The following PSG4 variants were observed in gnomAD, a reference collection of about 807,000 sequenced individuals.
PSG4 encodes the protein pregnancy-specific beta-1-glycoprotein 4.
Under a neutral mutation model 44.3 loss-of-function variants are expected in PSG4, and 61 were observed. The observed-to-expected ratio is 1.38, with a 90% CI of 1.12 to 1.70. PSG4 has a LOEUF of 1.70. Ranked by LOEUF, PSG4 falls within the 40% of genes most tolerant of loss-of-function variation. PSG4 has a pLI of 0.00. For missense variants in PSG4, 677 were observed against 511.7 expected, an observed-to-expected ratio of 1.32 and a Z score of -3.12; for synonymous variants, 248 against 191.3, an observed-to-expected ratio of 1.30 and a Z score of -2.45.
At position 43,203,677 on chromosome 19, in the gene PSG4, C is replaced by T. The variant is rs562420010; in HGVS notation, c.430+209G>A. ...CCATCAGACTGTCCTTCCTCTGCAG[C>T]GAGTGTCTGCAGGGTCTGAATGCGG... is the stretch of plus-strand genomic sequence containing the variant. On this transcript the variant is annotated intron_variant, in intron 2 of 5. Transcript: ENST00000405312. 42 of 908,210 alleles carry T rather than the reference C, an allele frequency of 4.6e-5. 1 individual carries two copies. Among genetic ancestry groups the T allele is most frequent in the Middle Eastern group, 3.0e-4 (1 of 3,318 alleles). 56.3% of individuals were successfully genotyped at this position (908,210 alleles called of 1,614,324 possible). A position where few individuals can be genotyped will look rare whatever the true frequency, so the allele number is the denominator to read the frequency against.
At chr19:43,205,421 C>G in intron 1 of PSG4, 52 bp downstream of exon 1, 2 of 1,486,154 alleles carry the variant, frequency 1.3e-6, no homozygotes, top group Non-Finnish European at 1.8e-6. Flanking sequence ...GAGACCCCAT[C>G]CAGTCACTCT....
In PSG4 at chr19:43,205,413, G is replaced by T. The variant is rs146894263; in HGVS notation, c.64+60C>A. Reference sequence around the variant, plus strand: ...TTTCAGAACCCCATCCTCTCCAGGAGACCCCATCCAGTCACTCTGCTTCCT... The same window carrying T: ...TTTCAGAACCCCATCCTCTCCAGGATACCCCATCCAGTCACTCTGCTTCCT... On this transcript the variant is annotated intron_variant, in intron 1 of 5. Coordinates refer to ENST00000405312, the MANE Select transcript of PSG4 (RefSeq NM_002780.5). The T allele has an allele frequency of 3.5e-4, 510 of 1,468,824 alleles. 120 individuals carry two copies. The East Asian group carries it at 0.014, about 40-fold the overall frequency. The allele number at this position is 1,468,824 out of a possible 1,614,324, so 91.0% of individuals were successfully genotyped here. A position where few individuals can be genotyped will look rare whatever the true frequency, so the allele number is the denominator to read the frequency against.
At chr19:43,204,938 ATGG>A (rs1967705818) in intron 1 of PSG4, 1 of 303,362 alleles carries the variant, frequency 3.3e-6, no homozygotes, top group Admixed American at 4.2e-5. Context: ...TTTTCAAAAT[ATGG>A]TGGCCCCTGA....
chr19:43,194,112 A>G, intron 5 of PSG4: 1 of 1,322,446 alleles, frequency 7.6e-7, no homozygotes, highest in Non-Finnish European at 1.0e-6. Flanking sequence ...CAATGAAATC[A>G]ATGTTTCTCC....
At chr19:43,196,245 G>A (rs1222954964) in intron 3 of PSG4, among the ~76,000 whole-genome samples, 2 of 151,476 alleles carry the variant, frequency 1.3e-5, no homozygotes, top group African/African-American at 4.9e-5. Flanking sequence ...CCCTGGGTTC[G>A]ACTACTCTAG....
At chr19:43,202,868 GT>G (rs1249337633) in intron 2 of PSG4, among the ~76,000 whole-genome samples, 1 of 144,684 alleles carries the variant, frequency 6.9e-6, no homozygotes, top group Non-Finnish European at 1.5e-5. Context: ...TTGGAACCCA[GT>G]AAGCCCTCAC....
chr19:43,193,144 A>G lies in PSG4; in HGVS notation c.*228T>C. The stretch of plus-strand genomic sequence containing the variant: ...TCTGACATCTTTGGAAAAACTGTCC[A>G]CAGTGTGAAGTCATCAACTTGTTAT... On this transcript the variant is annotated 3_prime_UTR_variant, in exon 6 of 6. Transcript: ENST00000405312. 1.5e-6 allele frequency: 1 copy of G among 683,786 alleles called. No individual in the cohort carries two copies. Among genetic ancestry groups the G allele is most frequent in the Non-Finnish European group, 2.7e-6 (1 of 374,548 alleles). The allele number at this position is 683,786 out of a possible 1,614,324, so 42.4% of individuals were successfully genotyped here. A position where few individuals can be genotyped will look rare whatever the true frequency, so the allele number is the denominator to read the frequency against.
Position 43,201,950 on chromosome 19 carries a change from G to C in PSG4, c.430+1936C>G, listed in dbSNP as rs1361222068. On this transcript the variant is annotated intron_variant, in intron 2 of 5. Coordinates refer to ENST00000405312, the MANE Select transcript of PSG4 (RefSeq NM_002780.5). The stretch of plus-strand genomic sequence containing the variant: ...AGCCTCACAAAGGGAAAGAGCCCTT[G>C]AAGGGAATACAGTAGAAGCTCATTC... Among the ~76,000 whole-genome samples the C allele has an allele frequency of 1.2e-4, 17 of 144,258 alleles. 4 individuals are homozygous for C. Among genetic ancestry groups the C allele is most frequent in the African/African-American group, 4.6e-4 (17 of 37,020 alleles). 94.6% of individuals were successfully genotyped at this position (144,258 alleles called of 152,430 possible). A position where few individuals can be genotyped will look rare whatever the true frequency, so the allele number is the denominator to read the frequency against.
chr19:43,195,923 G>C (rs1290476514), intron 3 of PSG4, among the ~76,000 whole-genome samples: 1 of 150,514 alleles, frequency 6.6e-6, no homozygotes, highest in East Asian at 1.9e-4. Context: ...TAAAGATAGA[G>C]CAGAGTGCAA....
chr19:43,204,385 AAAG>A, intron 1 of PSG4, 134 bp from the exon 2 acceptor site: 1 of 1,206,800 alleles, frequency 8.3e-7, no homozygotes, highest in Non-Finnish European at 1.1e-6. Context: ...TACACACACT[AAAG>A]GGGCGTGAGT....
intron 2 of PSG4, chr19:43,203,675 A>G (rs1967621054): frequency 1.1e-6 from 1 of 900,798 alleles, no homozygotes; most frequent in East Asian, 4.3e-5. Flanking sequence ...CTTCCTCTGC[A>G]GCGAGTGTCT....
intron 4 of PSG4, 59 bp from the exon 5 acceptor site, chr19:43,194,653 G>C: frequency 6.4e-7 from 1 of 1,566,324 alleles, no homozygotes; most frequent in Non-Finnish European, 8.7e-7. Context: ...GATGTTCCTG[G>C]TCTCTTAAAG....
Position 43,198,083 on chromosome 19 carries a change from G to A in PSG4, c.623C>T (p.Thr208Ile), listed in dbSNP as rs1312210510. The A allele has an allele frequency of 7.6e-6, 12 of 1,587,702 alleles. 2 individuals carry two copies. The highest frequency in any genetic ancestry group is 1.0e-5 in the Non-Finnish European group (12 of 1,171,930). ...TNRTLFIFGV[T>I]KYIAGPYECE... is the part of the protein sequence containing the mutation. ...TTCATAGGGTCCTGCAATATACTTT[G>A]TGACACCAAATATAAAGAGGGTCCT... Residue 208 changes from threonine (T) to isoleucine (I), a missense_variant, in exon 3 of 6, where the codon ACA becomes ATA. Physicochemically the swap from Thr to Ile is moderately conservative, Grantham distance 89. Transcript: ENST00000405312.
At position 43,205,549 on chromosome 19, in the gene PSG4, T is replaced by C. The variant is rs61995941; in HGVS notation, c.-13A>G. On this transcript the variant is annotated 5_prime_UTR_variant, in exon 1 of 6. Coordinates refer to ENST00000405312, the MANE Select transcript of PSG4 (RefSeq NM_002780.5). ...AGAGGGGCCCCATGGTCTCTGCTGCTTGTGTGTTCTCCTCTGTGGAGATAA... is the reference window on the plus strand; with the variant it reads ...AGAGGGGCCCCATGGTCTCTGCTGCCTGTGTGTTCTCCTCTGTGGAGATAA... 0.03 allele frequency: 44,787 copies of C among 1,516,198 alleles called. 3,677 individuals carry two copies. Among genetic ancestry groups the C allele is most frequent in the South Asian group, 0.033 (2,857 of 87,212 alleles). The allele number at this position is 1,516,198 out of a possible 1,614,324, so 93.9% of individuals were successfully genotyped here.
In PSG4 at chr19:43,195,104, C is replaced by G; in HGVS notation, c.879G>C (p.Arg293Ser). Reference protein sequence around the residue: ...SPRVKRPIENRILILPNVTRN... With the variant: ...SPRVKRPIENSILILPNVTRN... The stretch of plus-strand genomic sequence containing the variant: ...TCGTGACATTGGGTAGAATGAGGAT[C>G]CTGTTTTCAATGGGTCGCTTTACCC... Residue 293 changes from arginine to serine, a missense_variant, in exon 4 of 6, where the codon AGG becomes AGC. By Grantham distance (110) the Arg-to-Ser change is moderately radical (BLOSUM62 -1). Coordinates refer to ENST00000405312, the MANE Select transcript of PSG4 (RefSeq NM_002780.5). 1 of 1,610,810 alleles carries G rather than the reference C, an allele frequency of 6.2e-7. No individual in the cohort carries two copies. Among genetic ancestry groups the G allele is most frequent in the Non-Finnish European group, 8.5e-7 (1 of 1,179,058 alleles).
At position 43,195,368 on chromosome 19, in the gene PSG4, C is replaced by T. The variant is rs1216106412; in HGVS notation, c.710-95G>A. The T allele has an allele frequency of 1.4e-5, 21 of 1,528,474 alleles. 2 individuals are homozygous for T. The highest frequency in any genetic ancestry group is 1.8e-5 in the Admixed American group (1 of 54,286). 94.7% of individuals were successfully genotyped at this position (1,528,474 alleles called of 1,614,324 possible). On this transcript the variant is annotated intron_variant, in intron 3 of 5. Coordinates refer to ENST00000405312, the MANE Select transcript of PSG4 (RefSeq NM_002780.5). ...AGAGTTGGCATCTCCCACCTCTCAG[C>T]CCACCCGAGTCCTTGAAAGCCAATA... is the stretch of plus-strand genomic sequence containing the variant.
In PSG4 at chr19:43,198,579, A is replaced by G. The variant is rs1037924907; in HGVS notation, c.431-304T>C. The G allele has an allele frequency of 1.1e-4, 46 of 407,292 alleles. 4 individuals carry two copies. The highest frequency in any genetic ancestry group is 9.6e-4 in the African/African-American group (43 of 44,958). 25.2% of individuals were successfully genotyped at this position (407,292 alleles called of 1,614,324 possible). ...TGCCTCTCTGAGTTCCTCCGTCTCCAACTGCCTGCCTGACCCACCTTGTGG... is the reference window on the plus strand; with the variant it reads ...TGCCTCTCTGAGTTCCTCCGTCTCCGACTGCCTGCCTGACCCACCTTGTGG... On this transcript the variant is annotated intron_variant, in intron 2 of 5. Transcript: ENST00000405312.
chr19:43,198,273 C>T lies in PSG4; in HGVS notation c.433G>A (p.Glu145Lys), dbSNP rs747350141. ...TGHFTFTLHLETPKPSISSSN... is the reference protein window; with the variant it reads ...TGHFTFTLHLKTPKPSISSSN... ...CTGGAGATGGAGGGCTTGGGAGTCT[C>T]CACTGTGCAGAAAACAGAGAGAGGT... The change falls in exon 3 of 6, where the codon GAG becomes AAG. Residue 145 changes from glutamate (E) to lysine (K), a missense_variant and splice_region_variant. Physicochemically the swap from Glu to Lys is moderately conservative, Grantham distance 56 (BLOSUM62 1). Transcript: ENST00000405312. 1.3e-6 allele frequency: 2 copies of T among 1,584,948 alleles called. No homozygotes were observed. The highest frequency in any genetic ancestry group is 2.9e-5 in the African/African-American group (2 of 69,162).
At chr19:43,198,482 A>G (rs1967357501) in intron 2 of PSG4, 1 of 975,428 alleles carries the variant, frequency 1.0e-6, no homozygotes, top group Non-Finnish European at 1.4e-6. Flanking sequence ...AGAAGCACAG[A>G]CTTTCTTAGG....
Sources: allele counts gnomAD v4.1 joint callset (sites outside exome capture counted in the v4.1 genomes callset), GRCh38; gene constraint gnomAD v4.1.1; transcripts MANE v1.5; gene names NCBI Gene and HGNC (gene_info 2026-07-23, HGNC 2026-07-21).